PIAS1: variants seen among roughly 807,000 people sequenced by gnomAD.
The protein encoded by PIAS1 is protein inhibitor of activated STAT 1.
A neutral mutation model predicts 71.3 loss-of-function variants in PIAS1; 6 were observed. The observed-to-expected ratio is 0.08, with a 90% CI of 0.05 to 0.17. The LOEUF is 0.17. Ranked by LOEUF, PIAS1 falls within the 10% of genes least tolerant of loss-of-function variation. The pLI is 1.00. For missense variants in PIAS1, 555 were observed against 793.6 expected (o/e 0.70, Z 3.61); for synonymous variants, 303 against 292.9 (o/e 1.03, Z -0.35).
In PIAS1 at chr15:68,186,647, C is replaced by T. The variant is rs2093089688; in HGVS notation, c.1663-895C>T. Among the ~76,000 whole-genome samples the T allele has an allele frequency of 6.6e-6, 1 of 152,244 alleles. No homozygotes were observed. The highest frequency in any genetic ancestry group is 2.1e-4 in the South Asian group (1 of 4,836). On this transcript the variant is annotated intron_variant, in intron 13 of 13. Coordinates refer to ENST00000249636, the MANE Select transcript of PIAS1 (RefSeq NM_016166.3). The surrounding 1 kb of genome is among the most constrained non-coding windows in gnomAD (Gnocchi z 4.4). ...TCACTCACTGGCTCACCCAGAGCAACTTCCAGTACTGCAGGCTCCATTCAT... is the reference window on the plus strand; with the variant it reads ...TCACTCACTGGCTCACCCAGAGCAATTTCCAGTACTGCAGGCTCCATTCAT...
intron 2 of PIAS1, among the ~76,000 whole-genome samples, chr15:68,115,694 G>A (rs1267370111): frequency 6.6e-6 from 1 of 151,950 alleles, no homozygotes; most frequent in Non-Finnish European, 1.5e-5. Flanking sequence ...GTCTATTATC[G>A]ATTTGAAGAT....
intron 1 of PIAS1, among the ~76,000 whole-genome samples, chr15:68,084,270 C>T (rs1003937400): frequency 6.6e-6 from 1 of 152,012 alleles, no homozygotes; most frequent in African/African-American, 2.4e-5. Context: ...AAATGCAGTA[C>T]ATTTGACCCA....
intron 2 of PIAS1, among the ~76,000 whole-genome samples, chr15:68,097,571 T>C (rs1315965175): frequency 2.0e-5 from 3 of 152,294 alleles, no homozygotes; most frequent in East Asian, 3.9e-4. Flanking sequence ...TAGCTGGGAC[T>C]ACAGGCACGC....
intron 2 of PIAS1, among the ~76,000 whole-genome samples, chr15:68,134,907 A>AGCAG (rs2092713516): frequency 4.5e-5 from 2 of 44,104 alleles, no homozygotes; most frequent in African/African-American, 9.5e-5. Context: ...CCCACCTCCC[A>AGCAG]GCAGGGGTGG....
Position 68,167,172 on chromosome 15 carries a change from AAAC to A in PIAS1, c.1008+2372_1008+2374del, listed in dbSNP as rs1020241854. ...CTTTAAAAATTCAGATTATAAAACA[AAAC>A]AACTATATATGTATATTGTGTGTGT... On this transcript the variant is annotated intron_variant, in intron 8 of 13. Coordinates refer to ENST00000249636, the MANE Select transcript of PIAS1 (RefSeq NM_016166.3). The surrounding 1 kb of genome is among the most constrained non-coding windows in gnomAD (Gnocchi z 4.4). Among the ~76,000 whole-genome samples, 28 of 147,704 alleles carry A rather than the reference AAAC, an allele frequency of 1.9e-4. No individual in the cohort carries two copies. Among genetic ancestry groups the A allele is most frequent in the Middle Eastern group, 6.9e-3 (2 of 290 alleles).
intron 2 of PIAS1, among the ~76,000 whole-genome samples, chr15:68,125,003 G>T (rs899631786): frequency 3.3e-5 from 5 of 152,172 alleles, no homozygotes; most frequent in African/African-American, 1.2e-4. Context: ...TCTGTTTGTC[G>T]CCCTGTCTTG....
chr15:68,175,777 T>C lies in PIAS1; in HGVS notation c.1300+10T>C, dbSNP rs934313876. 2 of 1,592,462 alleles carry C rather than the reference T, an allele frequency of 1.3e-6. No homozygotes were observed. Among genetic ancestry groups the C allele is most frequent in the Non-Finnish European group, 1.7e-6 (2 of 1,168,100 alleles). ...TACAATGGAGTCGATGGTGAGTAGTTCTTCACAAGGAAGAGGCAGTCTCCC... is the reference window on the plus strand; with the variant it reads ...TACAATGGAGTCGATGGTGAGTAGTCCTTCACAAGGAAGAGGCAGTCTCCC... On this transcript the variant is annotated intron_variant, in intron 10 of 13. Transcript: ENST00000249636.
Position 68,086,209 on chromosome 15 carries a change from A to C in PIAS1, c.25-97A>C. 5 of 825,960 alleles carry C rather than the reference A, an allele frequency of 6.1e-6. No individual in the cohort carries two copies. The highest frequency in any genetic ancestry group is 5.9e-5 in the South Asian group (3 of 50,798). 51.2% of individuals were successfully genotyped at this position (825,960 alleles called of 1,614,324 possible). On this transcript the variant is annotated intron_variant, in intron 1 of 13. Coordinates refer to ENST00000249636, the MANE Select transcript of PIAS1 (RefSeq NM_016166.3). This position sits in a 1 kb window ranked among gnomAD's most constrained non-coding sequence, Gnocchi z 7.2. ...AAGTGAGCTGGCCTTTATTTGCTTAAGTAAACCATAAGAAGGGGGTTATAA... is the reference window on the plus strand; with the variant it reads ...AAGTGAGCTGGCCTTTATTTGCTTACGTAAACCATAAGAAGGGGGTTATAA...
At chr15:68,096,784 T>G (rs567855826) in intron 2 of PIAS1, among the ~76,000 whole-genome samples, 3 of 152,326 alleles carry the variant, frequency 2.0e-5, no homozygotes, top group Non-Finnish European at 2.9e-5. Flanking sequence ...TTTTCCTGTT[T>G]GTTTCTTAGT....
rs866527762 is a variant in PIAS1, at chr15:68,186,750, A to G, written c.1663-792A>G. Among the ~76,000 whole-genome samples the G allele has an allele frequency of 6.6e-6, 1 of 152,240 alleles. No individual in the cohort carries two copies. Among genetic ancestry groups the G allele is most frequent in the Non-Finnish European group, 1.5e-5 (1 of 68,044 alleles). ...TACTGTACCTTTTCTATGTTGAGATATACACATACTTAGCATTGTGTTACA... is the reference window on the plus strand; with the variant it reads ...TACTGTACCTTTTCTATGTTGAGATGTACACATACTTAGCATTGTGTTACA... On this transcript the variant is annotated intron_variant, in intron 13 of 13. Coordinates refer to ENST00000249636, the MANE Select transcript of PIAS1 (RefSeq NM_016166.3). This position sits in a 1 kb window ranked among gnomAD's most constrained non-coding sequence, Gnocchi z 4.4.
chr15:68,180,260 G>C (rs1277774874), intron 11 of PIAS1, among the ~76,000 whole-genome samples: 1 of 151,894 alleles, frequency 6.6e-6, no homozygotes, highest in Admixed American at 6.6e-5. Context: ...CACCAGGCCT[G>C]GCTAAGCTTT....
At chr15:68,120,760 T>G (rs2092606876) in intron 2 of PIAS1, among the ~76,000 whole-genome samples, 1 of 152,164 alleles carries the variant, frequency 6.6e-6, no homozygotes, top group African/African-American at 2.4e-5. Flanking sequence ...ATTCAAGTGA[T>G]TCTCCTGCCT....
chr15:68,074,818 C>G (rs1319347610), intron 1 of PIAS1, among the ~76,000 whole-genome samples: 20 of 149,468 alleles, frequency 1.3e-4, no homozygotes, highest in Middle Eastern at 7.0e-3. Flanking sequence ...AAAATTGCTT[C>G]TTATCTGGAA....
At chr15:68,104,398 T>C (rs1016966894) in intron 2 of PIAS1, among the ~76,000 whole-genome samples, 1 of 152,170 alleles carries the variant, frequency 6.6e-6, no homozygotes. Context: ...TATTGAAATT[T>C]TACCCAACAC....
At chr15:68,152,805 A>G (rs1324818543) in intron 6 of PIAS1, among the ~76,000 whole-genome samples, 1 of 151,978 alleles carries the variant, frequency 6.6e-6, no homozygotes, top group Non-Finnish European at 1.5e-5. Context: ...ACCCTTCGTG[A>G]ACCTCAGCCG....
At chr15:68,091,404 G>A (rs2092331741) in intron 2 of PIAS1, among the ~76,000 whole-genome samples, 1 of 151,844 alleles carries the variant, frequency 6.6e-6, no homozygotes, top group African/African-American at 2.4e-5. Context: ...TAGTTCTTTA[G>A]GATACAGTAT....
chr15:68,181,095 T>A, intron 11 of PIAS1, 117 bp from the exon 12 acceptor site: 1 of 766,312 alleles, frequency 1.3e-6, no homozygotes, highest in Non-Finnish European at 2.2e-6. Context: ...TTTGCTTGGT[T>A]TTGTTCTTAT....
rs945296074 is a variant in PIAS1 at position 68,185,030 on chromosome 15, CT to C, written c.1662+1367del. 2 of 153,138 alleles carry C rather than the reference CT, an allele frequency of 1.3e-5. No individual in the cohort carries two copies. The highest frequency in any genetic ancestry group is 4.8e-5 in the African/African-American group (2 of 41,462). 9.5% of individuals were successfully genotyped at this position (153,138 alleles called of 1,614,324 possible). On this transcript the variant is annotated intron_variant, in intron 13 of 13. Transcript: ENST00000249636. The surrounding 1 kb of genome is among the most constrained non-coding windows in gnomAD (Gnocchi z 4.4). ...GAAGTACTGTTGAGAGAGTAACATACTTTTCAAGATGATGATTTTTGTTGAT... is the reference window on the plus strand; with the variant it reads ...GAAGTACTGTTGAGAGAGTAACATACTTTCAAGATGATGATTTTTGTTGAT...
Position 68,156,727 on chromosome 15 carries a change from A to G in PIAS1, c.934+3032A>G, listed in dbSNP as rs868253647. 8.5e-3 allele frequency among the ~76,000 whole-genome samples: 1,216 copies of G among 143,740 alleles called. 13 individuals are homozygous for G. Among genetic ancestry groups the G allele is most frequent in the African/African-American group, 0.028 (1,073 of 38,664 alleles). The allele number at this position is 143,740 out of a possible 152,430, so 94.3% of individuals were successfully genotyped here. On this transcript the variant is annotated intron_variant, in intron 7 of 13. Transcript: ENST00000249636. ...CTGTCTTTAAAAAAAAAAAAAAAAA[A>G]AGAGAGAGAGAGAGAGAGCGCCAAG... is the stretch of plus-strand genomic sequence containing the variant.
Sources: allele counts gnomAD v4.1 joint callset (sites outside exome capture counted in the v4.1 genomes callset), GRCh38; gene constraint gnomAD v4.1.1; non-coding constraint Gnocchi (gnomAD v3.1); transcripts MANE v1.5; gene names NCBI Gene and HGNC (gene_info 2026-07-23, HGNC 2026-07-21).